Variants in ZNHIT6 observed in about 807,000 individuals in gnomAD.
ZNHIT6 encodes the protein box C/D snoRNA protein 1.
In ZNHIT6, 45 loss-of-function variants were observed where a neutral mutation model predicts 57.2. The ratio of observed to expected loss-of-function variants is 0.79; its 90% CI spans 0.62 to 1.01. The LOEUF (loss-of-function observed/expected upper bound fraction) is 1.01, where lower values mean the gene tolerates loss of function less well. ZNHIT6 is among the 50% of genes least tolerant of loss of function. The pLI is 0.00. For missense variants in ZNHIT6, 528 were observed against 567.3 expected (o/e 0.93, Z 0.70); for synonymous variants, 188 against 190.0 (o/e 0.99, Z 0.09).
intron 5 of ZNHIT6, among the ~76,000 whole-genome samples, 166 bp downstream of exon 5, chr1:85,701,991 A>G (rs927641146): frequency 3.9e-5 from 6 of 152,062 alleles, no homozygotes; most frequent in Admixed American, 3.9e-4. Flanking sequence ...CCAAATTTTT[A>G]TTAGAGTTAC....
Position 85,667,961 on chromosome 1 carries a change from A to ATAT in ZNHIT6, c.1247+9274_1247+9275insATA, listed in dbSNP as rs1394453372. Among the ~76,000 whole-genome samples, 5 of 18,202 alleles carry ATAT rather than the reference A, an allele frequency of 2.7e-4. 2 individuals are homozygous for ATAT. The highest frequency in any genetic ancestry group is 1.1e-3 in the African/African-American group (5 of 4,708). 11.9% of individuals were successfully genotyped at this position (18,202 alleles called of 152,430 possible). On this transcript the variant is annotated intron_variant, in intron 8 of 9. Coordinates refer to ENST00000370574, the MANE Select transcript of ZNHIT6 (RefSeq NM_017953.4). ...ACTCTCTCTTTCAAAAAAAAAAAAA[A>ATAT]ATATATATATATATATATATATATG... is the stretch of plus-strand genomic sequence containing the variant.
At chr1:85,671,638 T>C (rs973959917) in intron 8 of ZNHIT6, among the ~76,000 whole-genome samples, 3 of 152,184 alleles carry the variant, frequency 2.0e-5, no homozygotes, top group East Asian at 1.9e-4. Context: ...ACTTGAATAA[T>C]ACACAGGAGT....
At chr1:85,681,162 T>G (rs1040348751) in intron 5 of ZNHIT6, among the ~76,000 whole-genome samples, 1 of 152,232 alleles carries the variant, frequency 6.6e-6, no homozygotes, top group Non-Finnish European at 1.5e-5. Flanking sequence ...GGGAGCAGTG[T>G]GCTACTATTT....
chr1:85,694,086 G>C (rs1662292588), intron 5 of ZNHIT6, among the ~76,000 whole-genome samples: 1 of 152,202 alleles, frequency 6.6e-6, no homozygotes, highest in Non-Finnish European at 1.5e-5. Context: ...CTAAGGAAGA[G>C]AGGAAATGAC....
chr1:85,697,006 G>A (rs1662391305), intron 5 of ZNHIT6, among the ~76,000 whole-genome samples: 2 of 148,720 alleles, frequency 1.3e-5, no homozygotes, highest in South Asian at 4.4e-4. Flanking sequence ...GACTACAGGC[G>A]CCCGCCACCA....
chr1:85,667,976 A>G (rs1661432405), intron 8 of ZNHIT6, among the ~76,000 whole-genome samples: 1 of 94,958 alleles, frequency 1.1e-5, no homozygotes, highest in Non-Finnish European at 2.3e-5. Context: ...ATATATATAT[A>G]TATATATATG....
At chr1:85,657,696 A>C (rs1661099412) in intron 9 of ZNHIT6, 151 bp downstream of exon 9, 1 of 668,820 alleles carries the variant, frequency 1.5e-6, no homozygotes, top group Non-Finnish European at 2.4e-6. Flanking sequence ...CATTGCATTT[A>C]CCTGGTTCTT....
At position 85,683,643 on chromosome 1, in the gene ZNHIT6, G is replaced by T. The variant is rs919448508; in HGVS notation, c.1020-2739C>A. Among the ~76,000 whole-genome samples, 6 of 152,022 alleles carry T rather than the reference G, an allele frequency of 3.9e-5. No homozygotes were observed. The East Asian group carries it at 9.7e-4, about 24-fold the overall frequency. On this transcript the variant is annotated intron_variant, in intron 5 of 9. Coordinates refer to ENST00000370574, the MANE Select transcript of ZNHIT6 (RefSeq NM_017953.4). The stretch of plus-strand genomic sequence containing the variant: ...ACATGTGTTCTTCTTAAGACTGAAA[G>T]AATTAAGCTTGTTTCTCATTTTTTT...
At chr1:85,673,136 C>T (rs1661608489) in intron 8 of ZNHIT6, among the ~76,000 whole-genome samples, 1 of 152,098 alleles carries the variant, frequency 6.6e-6, no homozygotes, top group South Asian at 2.1e-4. Context: ...AATGGCTTTA[C>T]TAACACAAGC....
chr1:85,684,022 G>A (rs1299216595), intron 5 of ZNHIT6, among the ~76,000 whole-genome samples: 2 of 152,062 alleles, frequency 1.3e-5, no homozygotes, highest in African/African-American at 4.8e-5. Context: ...AAGGATAAAG[G>A]TTTGAACATT....
intron 5 of ZNHIT6, among the ~76,000 whole-genome samples, chr1:85,681,977 C>CTT (rs527944363): frequency 5.0e-5 from 7 of 139,808 alleles, no homozygotes; most frequent in African/African-American, 1.3e-4. Context: ...ACAAGGCTGA[C>CTT]TTTTTTTTTT....
At chr1:85,694,829 TA>T (rs1316766948) in intron 5 of ZNHIT6, among the ~76,000 whole-genome samples, 1 of 152,190 alleles carries the variant, frequency 6.6e-6, no homozygotes. Flanking sequence ...AATTCAAAGT[TA>T]GGGGAAATAG....
chr1:85,687,499 G>C (rs1353618744), intron 5 of ZNHIT6, among the ~76,000 whole-genome samples: 1 of 151,886 alleles, frequency 6.6e-6, no homozygotes, highest in East Asian at 1.9e-4. Context: ...AAGCAGTATG[G>C]ATTCTATCTT....
At position 85,702,148 on chromosome 1, in the gene ZNHIT6, G is replaced by T; in HGVS notation, c.1019+9C>A. ...GAATACCTGATATACTAAAAAGTTA[G>T]AAACTTACTTCTTATCAAAAAAGGT... On this transcript the variant is annotated intron_variant, in intron 5 of 9. Coordinates refer to ENST00000370574, the MANE Select transcript of ZNHIT6 (RefSeq NM_017953.4). 1 of 1,575,914 alleles carries T rather than the reference G, an allele frequency of 6.3e-7. No individual in the cohort carries two copies. Among genetic ancestry groups the T allele is most frequent in the East Asian group, 2.2e-5 (1 of 44,564 alleles).
intron 1 of ZNHIT6, among the ~76,000 whole-genome samples, chr1:85,706,709 C>A (rs1440524561): frequency 6.6e-6 from 1 of 152,146 alleles, no homozygotes; most frequent in East Asian, 1.9e-4. Context: ...ATATGTAACT[C>A]AGGAAAATGT....
chr1:85,676,587 GTTA>G lies in ZNHIT6; in HGVS notation c.1247+646_1247+648del, dbSNP rs1282590309. On this transcript the variant is annotated intron_variant, in intron 8 of 9. Transcript: ENST00000370574. ...TTGAACACTCACAGGCCATTGTGTG[GTTA>G]TTAATTGGCCTAATTTCAATATTAT... Among the ~76,000 whole-genome samples, 3 of 152,248 alleles carry G rather than the reference GTTA, an allele frequency of 2.0e-5. No individual in the cohort carries two copies. In the East Asian group the frequency reaches 5.8e-4, roughly 29 times the overall value.
At chr1:85,687,690 C>T (rs1262311411) in intron 5 of ZNHIT6, among the ~76,000 whole-genome samples, 2 of 152,112 alleles carry the variant, frequency 1.3e-5, no homozygotes, top group Non-Finnish European at 2.9e-5. Flanking sequence ...TTTTGAGAAT[C>T]ACATTGACAT....
chr1:85,686,539 T>A (rs538133393), intron 5 of ZNHIT6, among the ~76,000 whole-genome samples: 1 of 152,238 alleles, frequency 6.6e-6, no homozygotes, highest in Admixed American at 6.5e-5. Context: ...TCTGTTCTTT[T>A]TTTTTTAATC....
intron 6 of ZNHIT6, 30 bp from the exon 7 acceptor site, chr1:85,678,811 T>C (rs894186335): frequency 3.3e-6 from 4 of 1,216,902 alleles, no homozygotes; most frequent in Middle Eastern, 2.1e-4. Flanking sequence ...AAACAAGCTA[T>C]ATTAGTATTT....
Sources: gnomAD v4.1 joint callset for allele counts (sites outside exome capture counted in the v4.1 genomes callset) on GRCh38, gnomAD v4.1.1 for gene constraint, MANE v1.5 for transcripts, NCBI Gene and HGNC (gene_info 2026-07-23, HGNC 2026-07-21) for gene names.